VIL1: variants seen among roughly 807,000 people sequenced by gnomAD.
VIL1 encodes villin-1.
VIL1 carries 86 observed loss-of-function variants against 104.0 expected under a neutral mutation model. The observed-to-expected ratio is 0.83, with a 90% CI of 0.69 to 0.99. The LOEUF (loss-of-function observed/expected upper bound fraction) is 0.99, where lower values mean the gene tolerates loss of function less well. Ranked by LOEUF, VIL1 falls within the 50% of genes least tolerant of loss-of-function variation. VIL1 has a pLI of 0.00. For missense variants in VIL1, 944 were observed against 1,054.1 expected (o/e 0.90, Z 1.45); for synonymous variants, 394 against 412.6 (o/e 0.95, Z 0.55).
intron 19 of VIL1, among the ~76,000 whole-genome samples, chr2:218,444,077 TG>T (rs1200102907): frequency 6.6e-6 from 1 of 152,202 alleles, no homozygotes; most frequent in Non-Finnish European, 1.5e-5. Context: ...GCAATTCTCC[TG>T]CCTCAACCTC....
At position 218,439,286 on chromosome 2, in the gene VIL1, G is replaced by C. The variant is rs144696570; in HGVS notation, c.2229+560G>C. 5.9e-5 allele frequency among the ~76,000 whole-genome samples: 9 copies of C among 152,018 alleles called. No homozygotes were observed. In the East Asian group the frequency reaches 1.7e-3, roughly 29 times the overall value. ...CGGGGAGATGGGGGCAGGGAGTGAG[G>C]GGGAAGCATATTAAAATGCAGATTC... On this transcript the variant is annotated intron_variant, in intron 18 of 19. Transcript: ENST00000248444.
At position 218,451,072 on chromosome 2, in the gene VIL1, ATT is replaced by A. The variant is rs751164316; in HGVS notation, c.*1741_*1742del. ...TAGAATTTTCCAATAAAAAATATAT[ATT>A]TTTTCAGATGTTAATAAGACATATC... is the stretch of plus-strand genomic sequence containing the variant. On this transcript the variant is annotated 3_prime_UTR_variant, in exon 20 of 20. Coordinates refer to ENST00000248444, the MANE Select transcript of VIL1 (RefSeq NM_007127.3). The A allele has an allele frequency of 1.3e-5, 2 of 152,220 alleles. No homozygotes were observed. Among genetic ancestry groups the A allele is most frequent in the Non-Finnish European group, 1.5e-5 (1 of 68,012 alleles). The allele number at this position is 152,220 out of a possible 1,614,324, so 9.4% of individuals were successfully genotyped here. A position where few individuals can be genotyped will look rare whatever the true frequency, so the allele number is the denominator to read the frequency against.
At chr2:218,438,370 C>A (rs893573347) in intron 17 of VIL1, among the ~76,000 whole-genome samples, 4 of 152,210 alleles carry the variant, frequency 2.6e-5, no homozygotes, top group Non-Finnish European at 5.9e-5. Flanking sequence ...GGGTTCTTGC[C>A]CTGGCCCCTG....
chr2:218,431,806 C>T (rs756792558), intron 10 of VIL1, 51 bp from the exon 11 acceptor site: 8 of 1,503,660 alleles, frequency 5.3e-6, no homozygotes, highest in Non-Finnish European at 5.5e-6. Flanking sequence ...TTGTGAGGAC[C>T]TGGGAGACCT....
chr2:218,431,699 C>T (rs777845645), intron 10 of VIL1, among the ~76,000 whole-genome samples, 158 bp from the exon 11 acceptor site: 4 of 152,104 alleles, frequency 2.6e-5, no homozygotes, highest in Non-Finnish European at 5.9e-5. Context: ...TGTAGCTCTG[C>T]CACATTCTGT....
chr2:218,429,214 A>G lies in VIL1; in HGVS notation c.568-71A>G, dbSNP rs570417780. 943 of 1,527,920 alleles carry G rather than the reference A, an allele frequency of 6.2e-4. 1 individual carries two copies. The African/African-American group carries it at 0.012, about 19-fold the overall frequency. The allele number at this position is 1,527,920 out of a possible 1,614,324, so 94.6% of individuals were successfully genotyped here. ...TGTAGGTGGTCTGGGCTTGCCTGGC[A>G]GGGTGTAGGGTGGCAGACACTGCCT... On this transcript the variant is annotated intron_variant, in intron 6 of 19. Coordinates refer to ENST00000248444, the MANE Select transcript of VIL1 (RefSeq NM_007127.3).
At chr2:218,441,394 GAA>G (rs376674460) in intron 19 of VIL1, among the ~76,000 whole-genome samples, 2 of 124,158 alleles carry the variant, frequency 1.6e-5, no homozygotes, top group African/African-American at 2.9e-5. Flanking sequence ...CTCAAAAAAA[GAA>G]AAAAAAAAAA....
At chr2:218,436,687 G>C in intron 16 of VIL1, 61 bp downstream of exon 16, 1 of 1,574,870 alleles carries the variant, frequency 6.3e-7, no homozygotes. Flanking sequence ...GGCCAAGAAA[G>C]AGTGGCTTTA....
chr2:218,441,735 C>T (rs1208239111), intron 19 of VIL1, among the ~76,000 whole-genome samples: 1 of 152,116 alleles, frequency 6.6e-6, no homozygotes, highest in Non-Finnish European at 1.5e-5. Flanking sequence ...TGCCTGTAAT[C>T]CCAGCACTTT....
chr2:218,449,447 G>C lies in VIL1; in HGVS notation c.*111G>C, dbSNP rs1335806683. On this transcript the variant is annotated 3_prime_UTR_variant, in exon 20 of 20. Coordinates refer to ENST00000248444, the MANE Select transcript of VIL1 (RefSeq NM_007127.3). The stretch of plus-strand genomic sequence containing the variant: ...AGTGAAATTTTGCAGATGTGCCTAT[G>C]AGCACAAACTTCTGTGGCAAATGCC... 1.2e-6 allele frequency: 1 copy of C among 849,088 alleles called. No homozygotes were observed. The highest frequency in any genetic ancestry group is 2.0e-6 in the Non-Finnish European group (1 of 510,906). 52.6% of individuals were successfully genotyped at this position (849,088 alleles called of 1,614,324 possible). A position where few individuals can be genotyped will look rare whatever the true frequency, so the allele number is the denominator to read the frequency against.
Position 218,431,853 on chromosome 2 carries a change from C to G in VIL1, c.1103-4C>G, listed in dbSNP as rs1400712775. On this transcript the variant is annotated splice_polypyrimidine_tract_variant and splice_region_variant and intron_variant, in intron 10 of 19. Transcript: ENST00000248444. ...AGTTGGTTTCATGATTTCCCCCACT[C>G]TAGCCAAAGTGGAACAGGTGAAGTT... The G allele has an allele frequency of 2.5e-6, 4 of 1,612,058 alleles. No homozygotes were observed. The highest frequency in any genetic ancestry group is 1.3e-5 in the African/African-American group (1 of 74,864).
intron 9 of VIL1, 117 bp downstream of exon 9, chr2:218,430,064 G>T: frequency 2.2e-6 from 2 of 926,340 alleles, no homozygotes; most frequent in Non-Finnish European, 1.7e-6. Flanking sequence ...CCAGGCAGAG[G>T]CAGGGAAGGC....
Position 218,423,761 on chromosome 2 carries a change from C to T in VIL1, c.-11-7C>T, listed in dbSNP as rs1402170148. 6.2e-7 allele frequency: 1 copy of T among 1,613,832 alleles called. No individual in the cohort carries two copies. Among genetic ancestry groups the T allele is most frequent in the Admixed American group, 1.7e-5 (1 of 59,986 alleles). ...GGTGCCCCTGCTCCCAACGCCTTCT[C>T]CCCCAGGCTCACTCACCATGACCAA... On this transcript the variant is annotated splice_polypyrimidine_tract_variant and splice_region_variant and intron_variant, in intron 1 of 19. Transcript: ENST00000248444.
rs2106400131 is a variant in VIL1 at position 218,451,403 on chromosome 2, C to A, written c.*2067C>A. On this transcript the variant is annotated 3_prime_UTR_variant, in exon 20 of 20. Transcript: ENST00000248444. ...GGGTCAATTAAATTAAAAAGGCCCT[C>A]CAACCACCCTAAATGGGATAACTAA... 6.6e-6 allele frequency: 1 copy of A among 152,280 alleles called. No individual in the cohort carries two copies. Among genetic ancestry groups the A allele is most frequent in the East Asian group, 1.9e-4 (1 of 5,192 alleles). The allele number at this position is 152,280 out of a possible 1,614,324, so 9.4% of individuals were successfully genotyped here. A position where few individuals can be genotyped will look rare whatever the true frequency, so the allele number is the denominator to read the frequency against.
intron 17 of VIL1, among the ~76,000 whole-genome samples, chr2:218,438,269 T>A (rs188347056): frequency 2.7e-4 from 41 of 152,206 alleles, no homozygotes; most frequent in African/African-American, 9.4e-4. Context: ...AGGGCTCCCT[T>A]CTATTATCTG....
chr2:218,427,189 T>C (rs967166861), intron 4 of VIL1, among the ~76,000 whole-genome samples: 7 of 152,234 alleles, frequency 4.6e-5, no homozygotes, highest in Admixed American at 2.6e-4. Flanking sequence ...ACTCTTTTTT[T>C]GTCTTGCTCC....
At chr2:218,446,924 A>C (rs1056420249) in intron 19 of VIL1, among the ~76,000 whole-genome samples, 2 of 151,050 alleles carry the variant, frequency 1.3e-5, no homozygotes, top group Non-Finnish European at 3.0e-5. Context: ...CCACCACACC[A>C]AGCTAATTTT....
intron 19 of VIL1, among the ~76,000 whole-genome samples, chr2:218,448,356 G>T (rs1030543690): frequency 6.6e-6 from 1 of 152,142 alleles, no homozygotes; most frequent in Non-Finnish European, 1.5e-5. Flanking sequence ...CTTGAGGCCA[G>T]GAGTTCGAGA....
At position 218,429,926 on chromosome 2, in the gene VIL1, G is replaced by A. The variant is rs374193440; in HGVS notation, c.927G>A (p.Lys309=). The change falls in exon 9 of 20, where the codon AAG becomes AAA. Residue 309 remains lysine, a synonymous_variant. Coordinates refer to ENST00000248444, the MANE Select transcript of VIL1 (RefSeq NM_007127.3). ...AGAAAGCCAATGAGCAGGAGAAGAA[G>A]GGAGCCATGAGCCATGCGCTGGTAG... ...KGKKANEQEK[K]GAMSHALNFI... 1.7e-5 allele frequency: 28 copies of A among 1,613,580 alleles called. No homozygotes were observed. The highest frequency in any genetic ancestry group is 2.3e-5 in the Non-Finnish European group (27 of 1,179,862).
Sources: allele counts gnomAD v4.1 joint callset (sites outside exome capture counted in the v4.1 genomes callset), GRCh38; gene constraint gnomAD v4.1.1; transcripts MANE v1.5; gene names NCBI Gene and HGNC (gene_info 2026-07-23, HGNC 2026-07-21).